The following SNTG1 variants were observed in gnomAD, a reference collection of about 807,000 sequenced individuals.
SNTG1 encodes syntrophin gamma 1, also known as gamma-1-syntrophin.
A neutral mutation model predicts 74.7 loss-of-function variants in SNTG1; 39 were observed. The ratio of observed to expected loss-of-function variants is 0.52; its 90% CI spans 0.40 to 0.68. The LOEUF (loss-of-function observed/expected upper bound fraction) is 0.68. SNTG1 is among the 30% of genes least tolerant of loss of function. The pLI is 0.00. For missense variants in SNTG1, 685 were observed against 609.5 expected, an observed-to-expected ratio of 1.12 and a Z score of -1.30; for synonymous variants, 254 against 217.1, an observed-to-expected ratio of 1.17 and a Z score of -1.49.
At chr8:50,463,319 G>A (rs1425729382) in intron 8 of SNTG1, among the ~76,000 whole-genome samples, 1 of 152,142 alleles carries the variant, frequency 6.6e-6, no homozygotes, top group Non-Finnish European at 1.5e-5. Flanking sequence ...CTGTCCAGAA[G>A]GTTTTAAATC....
At chr8:49,952,386 C>G (rs1418797223) in intron 1 of SNTG1, among the ~76,000 whole-genome samples, 1 of 151,968 alleles carries the variant, frequency 6.6e-6, no homozygotes, top group East Asian at 1.9e-4. Context: ...AGGCATAAAC[C>G]ATGGTGAGAG....
At chr8:50,475,854 G>C (rs1371252012) in intron 8 of SNTG1, among the ~76,000 whole-genome samples, 1 of 152,104 alleles carries the variant, frequency 6.6e-6, no homozygotes, top group Admixed American at 6.5e-5. Context: ...TAGATTAAAG[G>C]CAAATAAACT....
At chr8:50,381,640 TTATATA>T (rs199655421) in intron 2 of SNTG1, among the ~76,000 whole-genome samples, 33 of 96,658 alleles carry the variant, frequency 3.4e-4, no homozygotes, top group East Asian at 1.1e-3. Context: ...ATCCTATTAG[TTATATA>T]TATATATATA....
intron 2 of SNTG1, among the ~76,000 whole-genome samples, chr8:50,185,332 T>G (rs1282939064): frequency 6.6e-6 from 1 of 152,212 alleles, no homozygotes; most frequent in East Asian, 1.9e-4. Flanking sequence ...GACTGTAAGT[T>G]TCCTGAGGCT....
intron 15 of SNTG1, among the ~76,000 whole-genome samples, chr8:50,663,994 A>T (rs769514705): frequency 1.3e-5 from 2 of 152,114 alleles, no homozygotes; most frequent in Non-Finnish European, 2.9e-5. Flanking sequence ...TTCTGCCCAG[A>T]TCTTGTCCCC....
At chr8:50,465,960 A>G (rs978659298) in intron 8 of SNTG1, among the ~76,000 whole-genome samples, 12 of 152,130 alleles carry the variant, frequency 7.9e-5, no homozygotes, top group Non-Finnish European at 1.3e-4. Context: ...CTCAGAAGGC[A>G]GTTTCTGAAT....
intron 4 of SNTG1, among the ~76,000 whole-genome samples, chr8:50,419,409 G>A (rs1282176489): frequency 1.3e-5 from 2 of 152,086 alleles, no homozygotes; most frequent in African/African-American, 4.8e-5. Context: ...ATCATAAATG[G>A]GAACAAGGAC....
intron 12 of SNTG1, among the ~76,000 whole-genome samples, chr8:50,574,623 C>T (rs931800994): frequency 6.6e-6 from 1 of 152,098 alleles, no homozygotes; most frequent in South Asian, 2.1e-4. Flanking sequence ...CATATGTGAT[C>T]ATAAACACTT....
chr8:50,475,333 A>T (rs550090601), intron 8 of SNTG1, among the ~76,000 whole-genome samples: 5 of 152,244 alleles, frequency 3.3e-5, no homozygotes, highest in Admixed American at 6.5e-5. Flanking sequence ...AAATTTTTTT[A>T]AAATCATGAC....
chr8:50,078,000 A>G (rs982126023), intron 1 of SNTG1, among the ~76,000 whole-genome samples: 15 of 152,120 alleles, frequency 9.9e-5, no homozygotes, highest in African/African-American at 3.1e-4. Flanking sequence ...TTACATCTAT[A>G]TGTACATATA....
chr8:50,162,917 G>T (rs1386885412), intron 1 of SNTG1, among the ~76,000 whole-genome samples: 1 of 152,170 alleles, frequency 6.6e-6, no homozygotes, highest in Non-Finnish European at 1.5e-5. Context: ...ATATTCTATA[G>T]CAAGGCACAG....
rs149618574 is a variant in SNTG1, at chr8:49,945,166, A to G, written c.-103+32935A>G. On this transcript the variant is annotated intron_variant, in intron 1 of 18. Transcript: ENST00000642720. ...ATAGATTTAGTACCCTACTTAAGATACCTGGTCATTTATTTCATCTTTAGT... is the reference window on the plus strand; with the variant it reads ...ATAGATTTAGTACCCTACTTAAGATGCCTGGTCATTTATTTCATCTTTAGT... Among the ~76,000 whole-genome samples the G allele has an allele frequency of 1.5e-3, 232 of 152,286 alleles. 2 individuals carry two copies. Among genetic ancestry groups the G allele is most frequent in the African/African-American group, 5.2e-3 (216 of 41,554 alleles).
intron 9 of SNTG1, among the ~76,000 whole-genome samples, chr8:50,517,267 A>G (rs973724756): frequency 6.6e-6 from 1 of 152,172 alleles, no homozygotes; most frequent in Non-Finnish European, 1.5e-5. Flanking sequence ...TCATCACTAA[A>G]TCTGCCTTAC....
At chr8:50,223,764 GAGA>G (rs2085184969) in intron 2 of SNTG1, among the ~76,000 whole-genome samples, 2 of 152,224 alleles carry the variant, frequency 1.3e-5, no homozygotes, top group African/African-American at 4.8e-5. Context: ...TTATTGAATA[GAGA>G]AGAATAATTT....
chr8:50,621,101 A>G (rs2094920489), intron 13 of SNTG1, among the ~76,000 whole-genome samples: 1 of 149,814 alleles, frequency 6.7e-6, no homozygotes, highest in Non-Finnish European at 1.5e-5. Context: ...AGAGTTTTAC[A>G]TTCTATACCA....
chr8:50,599,990 C>T (rs536565014), intron 13 of SNTG1, among the ~76,000 whole-genome samples: 24 of 151,922 alleles, frequency 1.6e-4, no homozygotes, highest in Admixed American at 4.6e-4. Flanking sequence ...TCCTTGTATT[C>T]CCGGTATTTT....
chr8:50,412,724 C>T (rs2092965300), intron 4 of SNTG1, among the ~76,000 whole-genome samples: 1 of 152,080 alleles, frequency 6.6e-6, no homozygotes, highest in Admixed American at 6.6e-5. Flanking sequence ...TTTTGCAAGA[C>T]ATATGTAAGT....
chr8:50,604,092 A>G (rs2130946206), intron 13 of SNTG1, among the ~76,000 whole-genome samples: 1 of 152,304 alleles, frequency 6.6e-6, no homozygotes, highest in Non-Finnish European at 1.5e-5. Flanking sequence ...GGGTTCAGAC[A>G]TGTTTTCTAG....
At chr8:49,921,490 T>C (rs1353605227) in intron 1 of SNTG1, among the ~76,000 whole-genome samples, 1 of 152,140 alleles carries the variant, frequency 6.6e-6, no homozygotes, top group East Asian at 1.9e-4. Flanking sequence ...ATCACGTTCA[T>C]TCTAGGAAGA....
Sources: gnomAD v4.1 joint callset for allele counts (sites outside exome capture counted in the v4.1 genomes callset) on GRCh38, gnomAD v4.1.1 for gene constraint, MANE v1.5 for transcripts, NCBI Gene and HGNC (gene_info 2026-07-23, HGNC 2026-07-21) for gene names.